GNL3L: variants seen among roughly 807,000 people sequenced by gnomAD.
GNL3L encodes G protein nucleolar 3 like, also known as guanine nucleotide-binding protein-like 3-like protein.
A neutral mutation model predicts 42.9 loss-of-function variants in GNL3L; 4 were observed. The ratio of observed to expected loss-of-function variants is 0.09; its 90% CI spans 0.05 to 0.21. GNL3L has a LOEUF of 0.21. Ranked by LOEUF, GNL3L falls within the 10% of genes least tolerant of loss-of-function variation. GNL3L has a pLI of 1.00. For synonymous variants in GNL3L, 159 were observed against 176.3 expected (o/e 0.90, Z 0.78); for missense variants, 412 against 481.7 (o/e 0.86, Z 1.36).
At chrX:54,598,706 A>C (rs1290367718) in intron 16 of GNL3L, among the ~76,000 whole-genome samples, 2 of 111,981 alleles carry the variant, frequency 1.8e-5, no homozygotes, top group East Asian at 5.5e-4. Flanking sequence ...CAAAGGGATG[A>C]AAATGAAATA....
At chrX:54,610,515 G>A (rs1602008042) in intron 16 of GNL3L, among the ~76,000 whole-genome samples, 1 of 110,976 alleles carries the variant, frequency 9.0e-6, no homozygotes, top group South Asian at 3.8e-4. Context: ...ATTACACTAA[G>A]GTATGTCCCT....
downstream of GNL3L, among the ~76,000 whole-genome samples, chrX:54,571,874 C>T (rs1032851818): frequency 3.6e-5 from 4 of 109,633 alleles, no homozygotes; most frequent in Non-Finnish European, 5.7e-5. Flanking sequence ...TCCTCCTTCA[C>T]GGACTCCAGT....
chrX:54,633,353 T>C, the GNL3L span, among the ~76,000 whole-genome samples: 28 of 111,724 alleles, frequency 2.5e-4, no homozygotes, highest in Middle Eastern at 4.6e-3. Context: ...CACCAGGAGA[T>C]AGCTTTCAAG....
chrX:54,547,305 CT>C (rs1191419242), intron 8 of GNL3L, among the ~76,000 whole-genome samples: 1 of 111,517 alleles, frequency 9.0e-6, no homozygotes, highest in Non-Finnish European at 1.9e-5. Context: ...CAGAAGCCAC[CT>C]TTTCTAACAG....
At chrX:54,583,690 G>T (rs1427200415) in intron 16 of GNL3L, among the ~76,000 whole-genome samples, 1 of 110,644 alleles carries the variant, frequency 9.0e-6, no homozygotes, top group Non-Finnish European at 1.9e-5. Context: ...CACCCACGTT[G>T]CAGTGTAGTG....
At chrX:54,544,355 G>A (rs764927078) in intron 8 of GNL3L, 29 bp downstream of exon 8, 22 of 803,275 alleles carry the variant, frequency 2.7e-5, no homozygotes, top group Middle Eastern at 5.6e-4. Flanking sequence ...TCATCTAGCC[G>A]CTTTCAGGGT....
At chrX:54,600,653 G>A (rs976674270) in intron 16 of GNL3L, among the ~76,000 whole-genome samples, 2 of 110,731 alleles carry the variant, frequency 1.8e-5, no homozygotes, top group East Asian at 5.7e-4. Flanking sequence ...GACACCCAAG[G>A]GTAGGCTCTT....
intron 16 of GNL3L, among the ~76,000 whole-genome samples, chrX:54,607,470 A>G (rs1056335990): frequency 1.1e-4 from 12 of 108,194 alleles, no homozygotes; most frequent in African/African-American, 3.4e-4. Context: ...AATGCCTTGG[A>G]ATAATAGCTG....
In GNL3L at chrX:54,582,044, C is replaced by T. The variant is rs776575619; in HGVS notation, c.*45+21397C>T. ...TTTGGATGTTTGTTCTCCAAAACAT[C>T]ATGTTGAAATTTGATCCCCAGTGTT... On this transcript the variant is annotated intron_variant, in intron 16 of 16. Coordinates refer to the GNL3L transcript ENST00000674498. Among the ~76,000 whole-genome samples, 10 of 112,067 alleles carry T rather than the reference C, an allele frequency of 8.9e-5. No individual in the cohort carries two copies. The South Asian group carries it at 3.7e-3, about 42-fold the overall frequency.
At chrX:54,605,862 A>G (rs1926054630) in intron 16 of GNL3L, among the ~76,000 whole-genome samples, 1 of 111,412 alleles carries the variant, frequency 9.0e-6, no homozygotes, top group South Asian at 3.8e-4. Context: ...TTCCCTTAGG[A>G]CATGTTTCTG....
downstream of GNL3L, among the ~76,000 whole-genome samples, chrX:54,571,350 C>T (rs751295943): frequency 6.4e-5 from 7 of 108,730 alleles, no homozygotes; most frequent in South Asian, 4.0e-4. Flanking sequence ...CCGGCCACCA[C>T]GCCCGACTAA....
the GNL3L span, among the ~76,000 whole-genome samples, chrX:54,634,066 C>G: frequency 8.9e-6 from 1 of 112,278 alleles, no homozygotes; most frequent in East Asian, 2.8e-4. Flanking sequence ...TGTGTTTTAA[C>G]AGTTTGACTC....
chrX:54,618,250 A>G (rs1341864636), intron 16 of GNL3L, among the ~76,000 whole-genome samples: 1 of 110,966 alleles, frequency 9.0e-6, no homozygotes, highest in Non-Finnish European at 1.9e-5. Context: ...CTGAAACTCA[A>G]CATATATTAA....
In GNL3L at chrX:54,530,251, C is replaced by T. The variant is rs754433793; in HGVS notation, c.-216C>T. 9.7e-6 allele frequency: 1 copy of T among 102,609 alleles called. No individual in the cohort carries two copies. Among genetic ancestry groups the T allele is most frequent in the South Asian group, 5.0e-4 (1 of 2,016 alleles). The allele number at this position is 102,609 out of a possible 1,213,427, so 8.5% of individuals were successfully genotyped here. On this transcript the variant is annotated 5_prime_UTR_variant, in exon 1 of 16. Transcript: ENST00000360845. ...GCCTAGCTGCGCGAGAGTTTCTGCT[C>T]GCTCAACCGAGTTGTCGTGTTGCCC... is the stretch of plus-strand genomic sequence containing the variant.
At chrX:54,567,545 C>CTG (rs1234052867), downstream of GNL3L, among the ~76,000 whole-genome samples, 1 of 108,584 alleles carries the variant, frequency 9.2e-6, no homozygotes, top group Admixed American at 1.0e-4. Flanking sequence ...ACTTGGGAGG[C>CTG]TGAGGCAGGA....
In GNL3L at chrX:54,543,301, C is replaced by T. The variant is rs1379343734; in HGVS notation, c.485C>T (p.Ala162Val). 8.3e-7 allele frequency: 1 copy of T among 1,210,541 alleles called. No homozygotes were observed. Among genetic ancestry groups the T allele is most frequent in the East Asian group, 3.0e-5 (1 of 33,822 alleles). ...CFQMEEAVLR[A>V]QGNKKLVLVL... ...CAAATGGAGGAGGCTGTCCTGCGAG[C>T]ACAAGGCAACAAGAAGCTGGTCCTG... Residue 162 changes from alanine to valine, a missense_variant, in exon 7 of 16, where the codon GCA (alanine) becomes GTA (valine). Ala to Val is a moderately conservative substitution (Grantham distance 64). Coordinates refer to ENST00000360845, the MANE Select transcript of GNL3L (RefSeq NM_001184819.2).
chrX:54,547,977 A>T (rs923200868), intron 8 of GNL3L, among the ~76,000 whole-genome samples: 1 of 111,911 alleles, frequency 8.9e-6, no homozygotes, highest in African/African-American at 3.2e-5. Context: ...TAGAGCCAGG[A>T]TGCCATCCTG....
chrX:54,628,913 T>TAAAATATAATTATATAA, the GNL3L span, among the ~76,000 whole-genome samples: 1 of 101,752 alleles, frequency 9.8e-6, no homozygotes, highest in African/African-American at 3.7e-5. Flanking sequence ...AAACATAATA[T>TAAAATATAATTATATAA]AATATAATTA....
chrX:54,554,483 T>C, intron 13 of GNL3L, 82 bp from the exon 14 acceptor site: 1 of 1,005,049 alleles, frequency 9.9e-7, no homozygotes, highest in Non-Finnish European at 1.4e-6. Context: ...AGCATCCATG[T>C]ATCCTTTTCA....
Sources: gnomAD v4.1 joint callset for allele counts (sites outside exome capture counted in the v4.1 genomes callset) on GRCh38, gnomAD v4.1.1 for gene constraint, MANE v1.5 for transcripts, NCBI Gene and HGNC (gene_info 2026-07-23, HGNC 2026-07-21) for gene names.